CNTNAP4: variants seen among roughly 807,000 people sequenced by gnomAD.
CNTNAP4 encodes the protein contactin-associated protein-like 4.
In CNTNAP4, 98 loss-of-function variants were observed where a neutral mutation model predicts 148.4. The ratio of observed to expected loss-of-function variants is 0.66; its 90% CI spans 0.56 to 0.78. CNTNAP4 has a LOEUF of 0.78. Among genes scored for constraint, CNTNAP4 ranks in the 30% least tolerant of loss-of-function variants. The pLI is 0.00. For synonymous variants in CNTNAP4, 730 were observed against 565.1 expected, an observed-to-expected ratio of 1.29 and a Z score of -4.14; for missense variants, 1,935 against 1,565.6, an observed-to-expected ratio of 1.24 and a Z score of -3.98.
Position 76,355,411 on chromosome 16 carries a change from A to C in CNTNAP4, c.290A>C (p.Gln97Pro). ...ATGGAGGTCACCGCTGTGGCCACTC[A>C]AGGGGGATATGGTAGCTCCAACTGG... ...ERMEVTAVAT[Q>P]GGYGSSNWVT... The change falls in exon 3 of 24, where the codon CAA (glutamine) becomes CCA (proline). Residue 97 changes from glutamine to proline, a missense_variant. By Grantham distance (76) the Gln-to-Pro change is moderately conservative. Coordinates refer to ENST00000611870, the MANE Select transcript of CNTNAP4 (RefSeq NM_033401.5). 1 of 1,612,104 alleles carries C rather than the reference A, an allele frequency of 6.2e-7. No homozygotes were observed. Among genetic ancestry groups the C allele is most frequent in the Non-Finnish European group, 8.5e-7 (1 of 1,178,914 alleles).
At chr16:76,329,895 C>T (rs184669805) in intron 2 of CNTNAP4, among the ~76,000 whole-genome samples, 110 of 152,192 alleles carry the variant, frequency 7.2e-4, no homozygotes, top group Middle Eastern at 3.4e-3. Context: ...AGAAAGAGAA[C>T]GTTTATGTGG....
intron 15 of CNTNAP4, among the ~76,000 whole-genome samples, chr16:76,503,291 C>A (rs75064630): frequency 6.6e-6 from 1 of 152,046 alleles, no homozygotes; most frequent in African/African-American, 2.4e-5. Flanking sequence ...GAATTCAAGG[C>A]ATTTATTAAG....
At chr16:76,365,310 AT>A (rs1213006580) in intron 3 of CNTNAP4, among the ~76,000 whole-genome samples, 11 of 152,140 alleles carry the variant, frequency 7.2e-5, no homozygotes, top group African/African-American at 2.7e-4. Flanking sequence ...AGGTACTGTG[AT>A]GGTTCCAGCT....
rs2078694946 is a variant in CNTNAP4, at chr16:76,408,799, A to G, written c.391-18653A>G. 5.3e-5 allele frequency among the ~76,000 whole-genome samples: 8 copies of G among 152,060 alleles called. No homozygotes were observed. The South Asian group carries it at 1.7e-3, about 32-fold the overall frequency. ...AAGACCTCAATATGATACAAAAGAG[A>G]ATTTCTTAGTAAGGACTATTGATTT... On this transcript the variant is annotated intron_variant, in intron 3 of 23. Transcript: ENST00000611870.
chr16:76,394,175 ACT>A (rs1416854139), intron 3 of CNTNAP4, among the ~76,000 whole-genome samples: 2 of 152,076 alleles, frequency 1.3e-5, no homozygotes, highest in African/African-American at 2.4e-5. Flanking sequence ...ATCGTGAGAG[ACT>A]CTGATCTGGG....
intron 4 of CNTNAP4, among the ~76,000 whole-genome samples, chr16:76,437,147 G>A (rs2079862054): frequency 6.6e-6 from 1 of 151,860 alleles, no homozygotes; most frequent in Non-Finnish European, 1.5e-5. Flanking sequence ...ATGGGAGGAA[G>A]ATGTAGGCGG....
intron 3 of CNTNAP4, among the ~76,000 whole-genome samples, chr16:76,413,072 A>T (rs893078139): frequency 5.3e-5 from 8 of 151,422 alleles, no homozygotes; most frequent in Non-Finnish European, 1.2e-4. Context: ...GGATGGGGTT[A>T]TCCATTCCCT....
At chr16:76,522,654 CTT>C (rs1269236389) in intron 17 of CNTNAP4, among the ~76,000 whole-genome samples, 1 of 104,528 alleles carries the variant, frequency 9.6e-6, no homozygotes, top group Admixed American at 9.4e-5. Flanking sequence ...TCTTTTCTCT[CTT>C]TCTCTCTTTC....
intron 3 of CNTNAP4, among the ~76,000 whole-genome samples, chr16:76,397,938 T>TTATGTATATA (rs2078259495): frequency 3.2e-5 from 2 of 62,292 alleles, no homozygotes; most frequent in East Asian, 8.0e-4. Flanking sequence ...AACTAATAGA[T>TTATGTATATA]TATATACATA....
At chr16:76,307,528 A>ATC (rs1567645271) in intron 1 of CNTNAP4, among the ~76,000 whole-genome samples, 3 of 130,008 alleles carry the variant, frequency 2.3e-5, no homozygotes, top group Non-Finnish European at 4.7e-5. Flanking sequence ...ATATATATAT[A>ATC]TATATATATA....
At chr16:76,343,505 C>G (rs1467353677) in intron 2 of CNTNAP4, among the ~76,000 whole-genome samples, 1 of 152,058 alleles carries the variant, frequency 6.6e-6, no homozygotes, top group African/African-American at 2.4e-5. Flanking sequence ...CCTGCTTTTT[C>G]TAATATAGAA....
In CNTNAP4 at chr16:76,478,725, G is replaced by A. The variant is rs373261458; in HGVS notation, c.1763-694G>A. 3.5e-4 allele frequency among the ~76,000 whole-genome samples: 53 copies of A among 152,150 alleles called. No homozygotes were observed. In the South Asian group the frequency reaches 4.8e-3, roughly 14 times the overall value. On this transcript the variant is annotated intron_variant, in intron 11 of 23. Coordinates refer to ENST00000611870, the MANE Select transcript of CNTNAP4 (RefSeq NM_033401.5). ...CATAATTAAAAACATCCAAACATCC[G>A]ATTATGGATCTAAACACACTGAAAC...
chr16:76,386,713 A>G (rs190836973), intron 3 of CNTNAP4, among the ~76,000 whole-genome samples: 7 of 152,274 alleles, frequency 4.6e-5, no homozygotes, highest in Admixed American at 2.0e-4. Context: ...TCACTACCTT[A>G]ACGTTGGGAC....
At chr16:76,487,176 G>A (rs974416028) in intron 12 of CNTNAP4, among the ~76,000 whole-genome samples, 5 of 152,234 alleles carry the variant, frequency 3.3e-5, no homozygotes, top group Non-Finnish European at 7.4e-5. Context: ...TCAAAGCAAC[G>A]AACATGTCAG....
chr16:76,504,453 T>C (rs1210383661), intron 15 of CNTNAP4, among the ~76,000 whole-genome samples: 1 of 151,570 alleles, frequency 6.6e-6, no homozygotes, highest in East Asian at 1.9e-4. Flanking sequence ...TCAAAGCAGA[T>C]ACAAAAATTA....
chr16:76,454,172 T>C (rs1051459371), intron 8 of CNTNAP4, among the ~76,000 whole-genome samples: 8 of 150,856 alleles, frequency 5.3e-5, no homozygotes, highest in Non-Finnish European at 8.8e-5. Context: ...TGGAGTGTTA[T>C]GGTGCAATCT....
At position 76,460,773 on chromosome 16, in the gene CNTNAP4, A is replaced by ATATATAT. The variant is rs1555564517; in HGVS notation, c.1334-1183_1334-1182insTATATAT. On this transcript the variant is annotated intron_variant, in intron 8 of 23. Coordinates refer to ENST00000611870, the MANE Select transcript of CNTNAP4 (RefSeq NM_033401.5). ...TGTCTCAAAAAAAAAAAAAAAAAAA[A>ATATATAT]ATATATATATATATATATATATTTA... Among the ~76,000 whole-genome samples, 89 of 57,330 alleles carry ATATATAT rather than the reference A, an allele frequency of 1.6e-3. 9 individuals are homozygous for ATATATAT. Among genetic ancestry groups the ATATATAT allele is most frequent in the Non-Finnish European group, 2.5e-3 (77 of 30,516 alleles). 37.6% of individuals were successfully genotyped at this position (57,330 alleles called of 152,430 possible).
Position 76,355,359 on chromosome 16 carries a change from T to G in CNTNAP4, c.238T>G (p.Trp80Gly). ...TCCACTTGTGTCTAACAAATACCAGTGGTTGCAGATTGACCTTGGAGAGAG... is the reference window on the plus strand; with the variant it reads ...TCCACTTGTGTCTAACAAATACCAGGGGTTGCAGATTGACCTTGGAGAGAG... The part of the protein sequence containing the change: ...WSPLVSNKYQ[W>G]LQIDLGERME... Residue 80 changes from tryptophan (W) to glycine (G), a missense_variant, in exon 3 of 24, where the codon TGG becomes GGG. Trp to Gly is a radical substitution (Grantham distance 184, BLOSUM62 -2). Coordinates refer to ENST00000611870, the MANE Select transcript of CNTNAP4 (RefSeq NM_033401.5). 1 of 1,601,986 alleles carries G rather than the reference T, an allele frequency of 6.2e-7. No individual in the cohort carries two copies. Among genetic ancestry groups the G allele is most frequent in the Non-Finnish European group, 8.5e-7 (1 of 1,173,972 alleles).
At chr16:76,366,217 T>A (rs1302913231) in intron 3 of CNTNAP4, among the ~76,000 whole-genome samples, 1 of 152,200 alleles carries the variant, frequency 6.6e-6, no homozygotes, top group African/African-American at 2.4e-5. Flanking sequence ...TTGTACAGAT[T>A]ATTTTGTCAG....
Sources: allele counts gnomAD v4.1 joint callset (sites outside exome capture counted in the v4.1 genomes callset), GRCh38; gene constraint gnomAD v4.1.1; transcripts MANE v1.5; gene names NCBI Gene and HGNC (gene_info 2026-07-23, HGNC 2026-07-21).